The following PCCA variants were observed in gnomAD, a reference collection of about 807,000 sequenced individuals.
The protein encoded by PCCA is propionyl-CoA carboxylase subunit alpha.
In PCCA, 74 loss-of-function variants were observed where a neutral mutation model predicts 101.3. That is an observed-to-expected ratio of 0.73 (90% CI 0.61 to 0.89). PCCA has a LOEUF of 0.89. PCCA is among the 40% of genes least tolerant of loss of function. The pLI is 0.00. For synonymous variants in PCCA, 294 were observed against 313.6 expected (o/e 0.94, Z 0.66); for missense variants, 891 against 907.0 (o/e 0.98, Z 0.23).
At chr13:100,423,856 G>A (rs1254473543) in intron 19 of PCCA, among the ~76,000 whole-genome samples, 2 of 152,328 alleles carry the variant, frequency 1.3e-5, no homozygotes, top group Admixed American at 1.3e-4. Context: ...CGCGGCGCTG[G>A]CATGGGGAGA....
intron 4 of PCCA, among the ~76,000 whole-genome samples, chr13:100,131,394 A>G (rs1177359130): frequency 2.0e-5 from 3 of 151,936 alleles, no homozygotes; most frequent in African/African-American, 4.8e-5. Context: ...GGTGGTGACC[A>G]CTCTTCTCTC....
In PCCA at chr13:100,413,254, A is replaced by G. The variant is rs76011837; in HGVS notation, c.1747-12379A>G. Among the ~76,000 whole-genome samples the G allele has an allele frequency of 3.1e-3, 473 of 152,342 alleles. 3 individuals are homozygous for G. The highest frequency in any genetic ancestry group is 0.01 in the African/African-American group (435 of 41,576). On this transcript the variant is annotated intron_variant, in intron 19 of 23. Transcript: ENST00000376285. ...TAACAAGAAACAGCACATCACAGTC[A>G]CAATGTGTGGGAATTAGGCAAAGGA... is the stretch of plus-strand genomic sequence containing the variant.
chr13:100,525,637 GCTGC>G (rs1486235195), intron 22 of PCCA, among the ~76,000 whole-genome samples: 1 of 152,278 alleles, frequency 6.6e-6, no homozygotes, highest in Non-Finnish European at 1.5e-5. Context: ...AGAAGCAGGA[GCTGC>G]CTGCCTGTCT....
intron 4 of PCCA, among the ~76,000 whole-genome samples, chr13:100,148,177 T>G (rs1240523948): frequency 6.6e-6 from 1 of 152,192 alleles, no homozygotes; most frequent in African/African-American, 2.4e-5. Context: ...CACTGCCACC[T>G]TAGCCTCCAC....
intron 4 of PCCA, among the ~76,000 whole-genome samples, chr13:100,130,051 C>CT (rs2050346437): frequency 6.6e-6 from 1 of 152,142 alleles, no homozygotes; most frequent in Non-Finnish European, 1.5e-5. Context: ...CTGTGCCATC[C>CT]TTTTTTTGTG....
intron 1 of PCCA, among the ~76,000 whole-genome samples, chr13:100,092,453 G>A (rs1566444754): frequency 6.6e-6 from 1 of 151,868 alleles, no homozygotes; most frequent in East Asian, 1.9e-4. Flanking sequence ...CATGATCTTG[G>A]CCTACTGCAG....
chr13:100,415,077 G>A (rs2078275174), intron 19 of PCCA, among the ~76,000 whole-genome samples: 2 of 152,010 alleles, frequency 1.3e-5, no homozygotes, highest in African/African-American at 4.8e-5. Context: ...AGAGCGTTGA[G>A]TTGGAGTGTA....
intron 6 of PCCA, among the ~76,000 whole-genome samples, chr13:100,183,859 G>A (rs980198590): frequency 2.6e-5 from 4 of 152,064 alleles, no homozygotes; most frequent in Non-Finnish European, 5.9e-5. Flanking sequence ...AATGCTTCAG[G>A]GGAGCATTCT....
chr13:100,312,537 A>G (rs2067005774), intron 16 of PCCA, among the ~76,000 whole-genome samples: 2 of 152,224 alleles, frequency 1.3e-5, no homozygotes, highest in African/African-American at 4.8e-5. Context: ...GTTAGATGTT[A>G]AAATAAAAGT....
intron 21 of PCCA, among the ~76,000 whole-genome samples, chr13:100,464,121 G>A (rs2152946188): frequency 6.6e-6 from 1 of 152,282 alleles, no homozygotes; most frequent in Middle Eastern, 3.4e-3. Flanking sequence ...ATTAGACATG[G>A]AATACTTCTT....
At position 100,515,440 on chromosome 13, in the gene PCCA, T is replaced by C; in HGVS notation, c.1913T>C (p.Ile638Thr). 1.9e-6 allele frequency: 3 copies of C among 1,614,168 alleles called. No individual in the cohort carries two copies. The highest frequency in any genetic ancestry group is 2.5e-6 in the Non-Finnish European group (3 of 1,179,986). Reference protein sequence around the residue: ...QFLGTVYKVNILTRLAAELNK... With the variant: ...QFLGTVYKVNTLTRLAAELNK... ...TTTTCCCTTAAGTACAAGGTGAATATCTTAACCAGACTTGCCGCAGAATTG... is the reference window on the plus strand; with the variant it reads ...TTTTCCCTTAAGTACAAGGTGAATACCTTAACCAGACTTGCCGCAGAATTG... Residue 638 changes from isoleucine to threonine, a missense_variant, in exon 22 of 24, where the codon ATC becomes ACC. Coordinates refer to ENST00000376285, the MANE Select transcript of PCCA (RefSeq NM_000282.4).
At chr13:100,097,817 G>C (rs1366853149) in intron 1 of PCCA, among the ~76,000 whole-genome samples, 1 of 152,134 alleles carries the variant, frequency 6.6e-6, no homozygotes, top group African/African-American at 2.4e-5. Flanking sequence ...TTCAAGACCA[G>C]CCTGGGGAAA....
At chr13:100,391,908 G>GT (rs1415390335) in intron 19 of PCCA, among the ~76,000 whole-genome samples, 1 of 152,170 alleles carries the variant, frequency 6.6e-6, no homozygotes, top group South Asian at 2.1e-4. Context: ...TGAATGAGAG[G>GT]TTTTTTGGGT....
At chr13:100,528,154 A>C (rs939774512) in intron 23 of PCCA, among the ~76,000 whole-genome samples, 21 of 152,238 alleles carry the variant, frequency 1.4e-4, no homozygotes, top group African/African-American at 4.6e-4. Context: ...TTCTCTACAA[A>C]GGGAACAATT....
chr13:100,410,683 T>C (rs1468345288), intron 19 of PCCA, among the ~76,000 whole-genome samples: 2 of 152,240 alleles, frequency 1.3e-5, no homozygotes, highest in Non-Finnish European at 2.9e-5. Flanking sequence ...TGTAAATTGA[T>C]GCTATTTTTT....
At chr13:100,271,660 T>A (rs572955482) in intron 11 of PCCA, among the ~76,000 whole-genome samples, 2 of 152,328 alleles carry the variant, frequency 1.3e-5, no homozygotes, top group South Asian at 4.1e-4. Flanking sequence ...AAATCAGCTG[T>A]ATAAAGATAT....
chr13:100,476,276 T>G (rs896497302), intron 21 of PCCA, among the ~76,000 whole-genome samples: 1 of 152,248 alleles, frequency 6.6e-6, no homozygotes, highest in Non-Finnish European at 1.5e-5. Flanking sequence ...CTGGGCAGTT[T>G]CCTCTTGTTG....
chr13:100,308,705 T>A (rs987614522), intron 15 of PCCA, among the ~76,000 whole-genome samples: 1 of 152,224 alleles, frequency 6.6e-6, no homozygotes, highest in Non-Finnish European at 1.5e-5. Flanking sequence ...AATAAAACTA[T>A]GTAAAAATAT....
chr13:100,103,003 T>C (rs774244349), intron 2 of PCCA, 43 bp downstream of exon 2: 17 of 1,311,618 alleles, frequency 1.3e-5, no homozygotes, highest in Admixed American at 3.4e-5. Context: ...ATTAAACTTA[T>C]CATGGTTTTA....
Sources: gnomAD v4.1 joint callset for allele counts (sites outside exome capture counted in the v4.1 genomes callset) on GRCh38, gnomAD v4.1.1 for gene constraint, MANE v1.5 for transcripts, NCBI Gene and HGNC (gene_info 2026-07-23, HGNC 2026-07-21) for gene names.